Variants in TSPEAR observed in about 807,000 individuals in gnomAD.
TSPEAR encodes thrombospondin type laminin G domain and EAR repeats.
A neutral mutation model predicts 71.6 loss-of-function variants in TSPEAR; 69 were observed. The ratio of observed to expected loss-of-function variants is 0.96; its 90% confidence interval spans 0.79 to 1.18. The LOEUF (loss-of-function observed/expected upper bound fraction) is 1.18. TSPEAR is among the 50% of genes most tolerant of loss of function. The probability of loss-of-function intolerance (pLI) is 0.00; values close to 1 mark genes in which losing one functional copy is unlikely to be tolerated. For missense variants in TSPEAR, 971 were observed against 894.9 expected, an observed-to-expected ratio of 1.09 and a Z score of -1.09; for synonymous variants, 402 against 387.2, an observed-to-expected ratio of 1.04 and a Z score of -0.45.
rs1601322781 is a variant in TSPEAR at position 44,506,849 on chromosome 21, G to C, written c.1755-1968C>G. ...GAAGATCCTGTCCGGCTGCACCGAG[G>C]CTCACATCAGAAGCCGGCTTCGGTT... On this transcript the variant is annotated intron_variant, in intron 10 of 11. Coordinates refer to ENST00000323084, the MANE Select transcript of TSPEAR (RefSeq NM_144991.3). The surrounding 1 kb of genome is among the most constrained non-coding windows in gnomAD (Gnocchi z 4.2). 1.3e-5 allele frequency: 2 copies of C among 152,110 alleles called. No individual in the cohort carries two copies. Among genetic ancestry groups the C allele is most frequent in the East Asian group, 3.9e-4 (2 of 5,176 alleles). 9.4% of individuals were successfully genotyped at this position (152,110 alleles called of 1,614,324 possible). A position where few individuals can be genotyped will look rare whatever the true frequency, so the allele number is the denominator to read the frequency against.
At chr21:44,617,457 G>T (rs1334874808) in intron 1 of TSPEAR, among the ~76,000 whole-genome samples, 2 of 152,262 alleles carry the variant, frequency 1.3e-5, no homozygotes, top group African/African-American at 2.4e-5. Context: ...CCAGGACAGC[G>T]TGGGGACACA....
chr21:44,572,977 G>A (rs1303322655), intron 1 of TSPEAR, among the ~76,000 whole-genome samples: 1 of 151,768 alleles, frequency 6.6e-6, no homozygotes, highest in African/African-American at 2.4e-5. Context: ...AGGAGTGAGG[G>A]GAGCGGGGTG....
chr21:44,571,015 G>A (rs74572654), intron 1 of TSPEAR, among the ~76,000 whole-genome samples: 1 of 152,216 alleles, frequency 6.6e-6, no homozygotes, highest in African/African-American at 2.4e-5. Context: ...ACAGTTTCCT[G>A]GAAAATACTA....
At chr21:44,628,459 C>T (rs1335523701) in intron 1 of TSPEAR, among the ~76,000 whole-genome samples, 1 of 151,860 alleles carries the variant, frequency 6.6e-6, no homozygotes, top group Non-Finnish European at 1.5e-5. Flanking sequence ...GGCTGGGCCC[C>T]GTGGATCTCT....
rs142460119 is a variant in TSPEAR at position 44,525,730 on chromosome 21, G to C, written c.1259C>G (p.Ala420Gly). ...KLKFTPYQSI[A>G]THSARDWEAF... ...CTCCCAGTCTCGGGCGCTGTGTGTG[G>C]CAATGCTCTGATATGGGGTAAACTT... The change falls in exon 8 of 12, where the codon GCC (alanine) becomes GGC (glycine). Residue 420 changes from alanine (A) to glycine (G), a missense_variant. By Grantham distance (60) the Ala-to-Gly change is moderately conservative. Transcript: ENST00000323084. 5 of 1,614,156 alleles carry C rather than the reference G, an allele frequency of 3.1e-6. No homozygotes were observed. Among genetic ancestry groups the C allele is most frequent in the African/African-American group, 1.3e-5 (1 of 75,020 alleles).
intron 1 of TSPEAR, chr21:44,647,490 AGC>A: frequency 9.4e-7 from 1 of 1,059,038 alleles, no homozygotes; most frequent in South Asian, 1.6e-5. Flanking sequence ...GGGGATTTTG[AGC>A]GCGTCACACT....
In TSPEAR at chr21:44,697,915, C is replaced by A. The variant is rs781998543; in HGVS notation, c.82+13518G>T. 5 of 1,612,404 alleles carry A rather than the reference C, an allele frequency of 3.1e-6. No individual in the cohort carries two copies. In the Admixed American group the frequency reaches 8.3e-5, roughly 27 times the overall value. ...CCTGCGGGTCCCTCCTCTGCCGCCC[C>A]ACATGTTCCCGCCTGGCCTGCTGAG... On this transcript the variant is annotated intron_variant, in intron 1 of 11. Coordinates refer to ENST00000323084, the MANE Select transcript of TSPEAR (RefSeq NM_144991.3).
chr21:44,626,816 T>C (rs913818846), intron 1 of TSPEAR, among the ~76,000 whole-genome samples: 7 of 151,878 alleles, frequency 4.6e-5, no homozygotes, highest in Admixed American at 4.6e-4. Flanking sequence ...CCCAGGCACA[T>C]CCCACCCACA....
intron 1 of TSPEAR, among the ~76,000 whole-genome samples, chr21:44,657,773 C>G (rs112211460): frequency 6.6e-6 from 1 of 152,122 alleles, no homozygotes; most frequent in Non-Finnish European, 1.5e-5. Flanking sequence ...ACCTCAAGGC[C>G]GAAGCTATTT....
At chr21:44,558,149 G>A (rs782435702) in intron 2 of TSPEAR, 32 of 1,613,224 alleles carry the variant, frequency 2.0e-5, no homozygotes, top group Admixed American at 1.3e-4. Flanking sequence ...AGGCCGGGCG[G>A]CAGCAGCTGG....
In TSPEAR at chr21:44,566,717, A is replaced by G. The variant is rs587606321; in HGVS notation, c.303+1068T>C. 2.6e-5 allele frequency among the ~76,000 whole-genome samples: 4 copies of G among 152,326 alleles called. No homozygotes were observed. The South Asian group carries it at 8.3e-4, about 32-fold the overall frequency. ...AGTCCAGAAATAAACCCACCTATCT[A>G]TAGTCAATTTATTTCTCACAAGGTT... On this transcript the variant is annotated intron_variant, in intron 2 of 11. Transcript: ENST00000323084.
Position 44,511,547 on chromosome 21 carries a change from T to G in TSPEAR, c.1567-2161A>C, listed in dbSNP as rs587739271. 3.0e-3 allele frequency among the ~76,000 whole-genome samples: 456 copies of G among 152,316 alleles called. 3 individuals carry two copies. Among genetic ancestry groups the G allele is most frequent in the African/African-American group, 0.011 (438 of 41,554 alleles). On this transcript the variant is annotated intron_variant, in intron 9 of 11. Transcript: ENST00000323084. The stretch of plus-strand genomic sequence containing the variant: ...GTGCATATGTGTATACTTGCACACA[T>G]GCCTGTACACAGGCAGATCCCTGCA...
intron 1 of TSPEAR, chr21:44,600,984 G>A (rs1555928516): frequency 6.2e-7 from 1 of 1,612,016 alleles, no homozygotes; most frequent in South Asian, 1.1e-5. Context: ...TCTGCTGCAA[G>A]CCTGTGTACT....
chr21:44,541,372 G>A lies in TSPEAR; in HGVS notation c.304-7449C>T, dbSNP rs587743195. ...AAATGCTCTGTCAAGTTCTCCTTTC[G>A]TGTGTGGGGAACTGGCTTACATCAG... On this transcript the variant is annotated intron_variant, in intron 2 of 11. Coordinates refer to ENST00000323084, the MANE Select transcript of TSPEAR (RefSeq NM_144991.3). Among the ~76,000 whole-genome samples, 11 of 152,280 alleles carry A rather than the reference G, an allele frequency of 7.2e-5. No homozygotes were observed. The East Asian group carries it at 1.3e-3, about 19-fold the overall frequency.
rs1297390924 is a variant in TSPEAR, at chr21:44,593,983, C to T, written c.83-25978G>A. Among the ~76,000 whole-genome samples, 4 of 152,222 alleles carry T rather than the reference C, an allele frequency of 2.6e-5. No individual in the cohort carries two copies. The highest frequency in any genetic ancestry group is 4.4e-5 in the Non-Finnish European group (3 of 68,036). On this transcript the variant is annotated intron_variant, in intron 1 of 11. Transcript: ENST00000323084. This position sits in a 1 kb window ranked among gnomAD's most constrained non-coding sequence, Gnocchi z 5.9. ...CCCCCAACCATGGACTGGCTCCAGC[C>T]GGTTTACAGAGGCTGTGCACTGGAG...
chr21:44,620,594 C>A (rs1336028090), intron 1 of TSPEAR, among the ~76,000 whole-genome samples: 1 of 152,162 alleles, frequency 6.6e-6, no homozygotes, highest in Admixed American at 6.5e-5. Flanking sequence ...TTTGTCAAAT[C>A]TGTTGCTCTT....
chr21:44,694,140 C>T (rs1168568722), intron 1 of TSPEAR, among the ~76,000 whole-genome samples: 2 of 152,234 alleles, frequency 1.3e-5, no homozygotes, highest in Non-Finnish European at 2.9e-5. Context: ...GAGAAGGAAT[C>T]ATCTCTTCCC....
intron 2 of TSPEAR, chr21:44,558,748 CGTGAGTGAGTGA>C: frequency 6.4e-7 from 1 of 1,571,600 alleles, no homozygotes; most frequent in South Asian, 1.2e-5. Context: ...CTGGGGGAGA[CGTGAGTGAGTGA>C]GTGTGGGAGT....
intron 10 of TSPEAR, among the ~76,000 whole-genome samples, chr21:44,505,960 C>T (rs1341002930): frequency 6.6e-6 from 1 of 152,124 alleles, no homozygotes; most frequent in Non-Finnish European, 1.5e-5. Flanking sequence ...GCTTGGTTTC[C>T]CGCTCTGGAC....
Sources: allele counts gnomAD v4.1 joint callset (sites outside exome capture counted in the v4.1 genomes callset), GRCh38; gene constraint gnomAD v4.1.1; non-coding constraint Gnocchi (gnomAD v3.1); transcripts MANE v1.5; gene names NCBI Gene and HGNC (gene_info 2026-07-23, HGNC 2026-07-21).